TP53I13: variants seen among roughly 807,000 people sequenced by gnomAD.
TP53I13 encodes tumor protein p53 inducible protein 13.
A neutral mutation model predicts 39.1 loss-of-function variants in TP53I13; 27 were observed. That is an observed-to-expected ratio of 0.69 (90% CI 0.51 to 0.95). TP53I13 has a LOEUF of 0.95. TP53I13 is among the 40% of genes least tolerant of loss of function. The pLI is 0.00. For synonymous variants in TP53I13, 230 were observed against 224.6 expected, an observed-to-expected ratio of 1.02 and a Z score of -0.22; for missense variants, 544 against 520.4, an observed-to-expected ratio of 1.05 and a Z score of -0.44.
the TP53I13 span, among the ~76,000 whole-genome samples, chr17:29,580,443 A>T: frequency 6.6e-6 from 1 of 152,220 alleles, no homozygotes; most frequent in African/African-American, 2.4e-5. Flanking sequence ...GATCCAGGCC[A>T]GCAGGCACAG....
rs776543013 is a variant in TP53I13, at chr17:29,572,378, C to T, written c.750C>T (p.Pro250=). 3 of 1,600,362 alleles carry T rather than the reference C, an allele frequency of 1.9e-6. No homozygotes were observed. The highest frequency in any genetic ancestry group is 1.3e-5 in the African/African-American group (1 of 74,688). The change falls in exon 6 of 7, where the codon CCC becomes CCT. Residue 250 remains proline, a synonymous_variant. Coordinates refer to ENST00000301057, the MANE Select transcript of TP53I13 (RefSeq NM_138349.4). ...GGGAGAGTAATGCCCCATCTGTGCC[C>T]ACTGTCTCCCTGCTGCCGGGGGCGC... The part of the protein sequence containing the change: ...PGRESNAPSV[P]TVSLLPGAPG...
At position 29,572,465 on chromosome 17, in the gene TP53I13, G is replaced by A; in HGVS notation, c.837G>A (p.Gly279=). ...TGCCCAACGGGCAAGGCAGCCCAGG[G>A]GGCTGTGTCTGTTCAAGTCAGGCTT... The part of the protein sequence containing the change: ...AQVPNGQGSP[G]GCVCSSQASP... The change falls in exon 6 of 7, where the codon GGG becomes GGA. Residue 279 remains glycine (G), a synonymous_variant. Coordinates refer to ENST00000301057, the MANE Select transcript of TP53I13 (RefSeq NM_138349.4). 1 of 1,586,768 alleles carries A rather than the reference G, an allele frequency of 6.3e-7. No homozygotes were observed. The highest frequency in any genetic ancestry group is 8.6e-7 in the Non-Finnish European group (1 of 1,164,706).
Position 29,569,333 on chromosome 17 carries a change from A to G in TP53I13, c.157A>G (p.Thr53Ala), listed in dbSNP as rs2032837336. Residue 53 changes from threonine to alanine, a missense_variant, in exon 3 of 7, where the codon ACC becomes GCC. By Grantham distance (58) the Thr-to-Ala change is moderately conservative. Transcript: ENST00000301057. ...CCATGTATAGGTGTCACCAAGAGTG[A>G]CCTACACACGAGTGAGCCCAGGGCA... ...PLPPQVSPRV[T>A]YTRVSPGQAE... 2.5e-6 allele frequency: 4 copies of G among 1,613,860 alleles called. No individual in the cohort carries two copies. The highest frequency in any genetic ancestry group is 3.4e-6 in the Non-Finnish European group (4 of 1,179,904).
upstream of TP53I13, chr17:29,566,759 A>T: frequency 6.5e-7 from 1 of 1,537,710 alleles, no homozygotes. Flanking sequence ...ACAAGGCTGC[A>T]CCCTCCCGGC....
At chr17:29,581,722 GC>G in the TP53I13 span, 5 of 1,593,070 alleles carry the variant, frequency 3.1e-6, no homozygotes, top group East Asian at 2.2e-5. The surrounding 1 kb of genome is among the most constrained non-coding windows in gnomAD (Gnocchi z 4.8). Context: ...ACAGCCAGGC[GC>G]CCCCCAAGCT....
chr17:29,568,930 GTTC>G lies in TP53I13; in HGVS notation c.73-84_73-82del. 1 of 1,596,836 alleles carries G rather than the reference GTTC, an allele frequency of 6.3e-7. No homozygotes were observed. The highest frequency in any genetic ancestry group is 8.5e-7 in the Non-Finnish European group (1 of 1,174,110). On this transcript the variant is annotated intron_variant, in intron 1 of 6. Coordinates refer to ENST00000301057, the MANE Select transcript of TP53I13 (RefSeq NM_138349.4). This position sits in a 1 kb window ranked among gnomAD's most constrained non-coding sequence, Gnocchi z 4.5. ...AGTGGCGCGCCGAGGGGGACGCGGA[GTTC>G]TTCCGCTGGCGGGCTGGGCCTGGGG...
At chr17:29,575,674 G>A (rs767132463), downstream of TP53I13, 9 of 1,612,780 alleles carry the variant, frequency 5.6e-6, no homozygotes, top group African/African-American at 1.3e-5. The surrounding 1 kb of genome is among the most constrained non-coding windows in gnomAD (Gnocchi z 5.5). Context: ...AGTCACTGTC[G>A]GCTCCACTGC....
chr17:29,581,297 A>C, the TP53I13 span: 1 of 1,538,258 alleles, frequency 6.5e-7, no homozygotes, highest in Non-Finnish European at 9.0e-7. The surrounding 1 kb of genome is among the most constrained non-coding windows in gnomAD (Gnocchi z 4.8). Flanking sequence ...CCCACATGGC[A>C]TCCAACAGCC....
intron 2 of TP53I13, 24 bp from the exon 3 acceptor site, chr17:29,569,294 G>A (rs773891017): frequency 5.6e-6 from 9 of 1,613,302 alleles, no homozygotes; most frequent in Non-Finnish European, 7.6e-6. Flanking sequence ...ACTGCCCTAA[G>A]CTCTGTTCTT....
At position 29,572,870 on chromosome 17, in the gene TP53I13, A is replaced by T. The variant is rs1598557652; in HGVS notation, c.1128A>T (p.Arg376Ser). 6.6e-7 allele frequency: 1 copy of T among 1,520,724 alleles called. No individual in the cohort carries two copies. The allele number at this position is 1,520,724 out of a possible 1,614,324, so 94.2% of individuals were successfully genotyped here. ...GCCGGGTCAAGCGCTCGCGCCGGAG[A>T]CCCCTCCTCCCGCCCACGCCGGACA... ...PSRRVKRSRRRPLLPPTPDSG... is the reference protein window; with the variant it reads ...PSRRVKRSRRSPLLPPTPDSG... The change falls in exon 7 of 7, where the codon AGA (arginine) becomes AGT (serine). Residue 376 changes from arginine (R) to serine (S), a missense_variant. Coordinates refer to ENST00000301057, the MANE Select transcript of TP53I13 (RefSeq NM_138349.4).
downstream of TP53I13, chr17:29,576,113 T>A (rs773055179): frequency 5.6e-6 from 9 of 1,613,622 alleles, no homozygotes; most frequent in Non-Finnish European, 7.6e-6. Flanking sequence ...ACTGAATAGA[T>A]GGCGTCGTCC....
chr17:29,572,177 G>C lies in TP53I13; in HGVS notation c.549G>C (p.Arg183=), dbSNP rs761908090. The C allele has an allele frequency of 1.4e-5, 23 of 1,608,128 alleles. No homozygotes were observed. The South Asian group carries it at 2.3e-4, about 16-fold the overall frequency. Residue 183 remains arginine (R), a synonymous_variant, in exon 6 of 7, where the codon CGG becomes CGC. Coordinates refer to ENST00000301057, the MANE Select transcript of TP53I13 (RefSeq NM_138349.4). ...TGGCCTTTGCTCTGCGGAGCTGGCG[G>C]CCCCCTGGCACAGAGGTGACATCTC... ...LALAFALRSW[R]PPGTEVTSQG...
At chr17:29,575,069 GC>G, downstream of TP53I13, 1 of 1,581,878 alleles carries the variant, frequency 6.3e-7, no homozygotes. This position sits in a 1 kb window ranked among gnomAD's most constrained non-coding sequence, Gnocchi z 5.5. Flanking sequence ...CCTCTCTTTG[GC>G]CCCTGTACCT....
chr17:29,568,938 G>T lies in TP53I13; in HGVS notation c.73-80G>T, dbSNP rs931357701. On this transcript the variant is annotated intron_variant, in intron 1 of 6. Coordinates refer to ENST00000301057, the MANE Select transcript of TP53I13 (RefSeq NM_138349.4). The surrounding 1 kb of genome is among the most constrained non-coding windows in gnomAD (Gnocchi z 4.5). ...GCCGAGGGGGACGCGGAGTTCTTCC[G>T]CTGGCGGGCTGGGCCTGGGGAGAGA... is the stretch of plus-strand genomic sequence containing the variant. 5.6e-6 allele frequency: 9 copies of T among 1,593,992 alleles called. No homozygotes were observed. In the South Asian group the frequency reaches 1.0e-4, roughly 18 times the overall value.
upstream of TP53I13, chr17:29,566,429 G>T: frequency 6.2e-7 from 1 of 1,612,250 alleles, no homozygotes; most frequent in Non-Finnish European, 8.5e-7. Context: ...TCCAGGGCGA[G>T]CAAGCAAAGG....
At chr17:29,575,271 C>T, downstream of TP53I13, 1 of 1,601,366 alleles carries the variant, frequency 6.2e-7, no homozygotes, top group Non-Finnish European at 8.5e-7. The surrounding 1 kb of genome is among the most constrained non-coding windows in gnomAD (Gnocchi z 5.5). Flanking sequence ...CCCCTCACCT[C>T]CCCCTCCACT....
At chr17:29,578,434 C>T in the TP53I13 span, 1 of 1,459,370 alleles carries the variant, frequency 6.9e-7, no homozygotes. Context: ...AAGGCCAGCT[C>T]CCCAGCATGT....
Position 29,572,990 on chromosome 17 carries a change from C to A in TP53I13, c.*66C>A. On this transcript the variant is annotated 3_prime_UTR_variant, in exon 7 of 7. Transcript: ENST00000301057. ...CGCCGCGAGGCCGCGACCTCTGCCA[C>A]GTGGACCGCGCGCGGGGCGCTCCCT... 1 of 1,256,952 alleles carries A rather than the reference C, an allele frequency of 8.0e-7. No individual in the cohort carries two copies. Among genetic ancestry groups the A allele is most frequent in the Non-Finnish European group, 1.0e-6 (1 of 977,834 alleles). The allele number at this position is 1,256,952 out of a possible 1,614,324, so 77.9% of individuals were successfully genotyped here. A position where few individuals can be genotyped will look rare whatever the true frequency, so the allele number is the denominator to read the frequency against.
At chr17:29,582,149 G>A in the TP53I13 span, 5 of 1,553,248 alleles carry the variant, frequency 3.2e-6, no homozygotes, top group East Asian at 9.5e-5. Context: ...TAGTTGCTAA[G>A]AGGAGCAGAG....
Sources: gnomAD v4.1 joint callset for allele counts (sites outside exome capture counted in the v4.1 genomes callset) on GRCh38, gnomAD v4.1.1 for gene constraint, Gnocchi (gnomAD v3.1) non-coding constraint, MANE v1.5 for transcripts, NCBI Gene and HGNC (gene_info 2026-07-23, HGNC 2026-07-21) for gene names.